The following PCYT1B variants were observed in gnomAD, a reference collection of about 807,000 sequenced individuals.
PCYT1B encodes phosphate cytidylyltransferase 1B, choline.
Under a neutral mutation model 26.4 loss-of-function variants are expected in PCYT1B, and 10 were observed. The observed-to-expected ratio is 0.38, with a 90% CI of 0.23 to 0.64. The LOEUF (loss-of-function observed/expected upper bound fraction) is 0.64, where lower values mean the gene tolerates loss of function less well. Among genes scored for constraint, PCYT1B ranks in the 30% least tolerant of loss-of-function variants. The pLI is 0.56. For synonymous variants in PCYT1B, 131 were observed against 108.4 expected (o/e 1.21, Z -1.29); for missense variants, 161 against 292.7 (o/e 0.55, Z 3.28).
In PCYT1B at chrX:24,559,180, C is replaced by G. The variant is rs965603232; in HGVS notation, c.*3113G>C. 9.1e-6 allele frequency: 1 copy of G among 109,542 alleles called. No individual in the cohort carries two copies. Among genetic ancestry groups the G allele is most frequent in the Non-Finnish European group, 1.9e-5 (1 of 52,515 alleles). 9.0% of individuals were successfully genotyped at this position (109,542 alleles called of 1,213,427 possible). ...AAACATACAAAAATTAGCTGGGTGT[C>G]GTGGCAGGCACCTGTAATCCCAGCT... is the stretch of plus-strand genomic sequence containing the variant. On this transcript the variant is annotated 3_prime_UTR_variant, in exon 8 of 8. Coordinates refer to ENST00000379144, the MANE Select transcript of PCYT1B (RefSeq NM_004845.5).
Position 24,579,171 on chromosome X carries a change from G to A in PCYT1B, c.708+145C>T, listed in dbSNP as rs1331573364. The A allele has an allele frequency of 1.5e-5, 7 of 460,522 alleles. No individual in the cohort carries two copies. The Admixed American group carries it at 2.7e-4, about 18-fold the overall frequency. The allele number at this position is 460,522 out of a possible 1,213,427, so 38.0% of individuals were successfully genotyped here. On this transcript the variant is annotated intron_variant, in intron 6 of 7. Coordinates refer to ENST00000379144, the MANE Select transcript of PCYT1B (RefSeq NM_004845.5). ...AAACTTAAAATATTATACACAGTGA[G>A]ACCCCATCTCTACACAAAAAAAAAA... is the stretch of plus-strand genomic sequence containing the variant.
At chrX:24,596,818 C>T (rs1031723443) in intron 3 of PCYT1B, among the ~76,000 whole-genome samples, 1 of 111,265 alleles carries the variant, frequency 9.0e-6, no homozygotes, top group Non-Finnish European at 1.9e-5. Context: ...CTTCGCTCCA[C>T]CCAAGGGAAC....
rs757258335 is a variant in PCYT1B at position 24,570,853 on chromosome X, T to C, written c.897+4277A>G. On this transcript the variant is annotated intron_variant, in intron 7 of 7. Transcript: ENST00000379144. ...TGGCAACTGGCATTGTCAAAGGCCTTAGAGGGATGTTGGTAGACCTCAGTT... is the reference window on the plus strand; with the variant it reads ...TGGCAACTGGCATTGTCAAAGGCCTCAGAGGGATGTTGGTAGACCTCAGTT... Among the ~76,000 whole-genome samples, 4 of 110,951 alleles carry C rather than the reference T, an allele frequency of 3.6e-5. No individual in the cohort carries two copies. In the East Asian group the frequency reaches 8.5e-4, roughly 24 times the overall value.
intron 7 of PCYT1B, among the ~76,000 whole-genome samples, chrX:24,566,173 G>A (rs1389987818): frequency 8.9e-6 from 1 of 112,059 alleles, no homozygotes; most frequent in Non-Finnish European, 1.9e-5. Context: ...TTTGGCAATA[G>A]ATGCAAAAAC....
At chrX:24,651,472 A>AAATATAT (rs1555965467), upstream of PCYT1B, among the ~76,000 whole-genome samples, 4 of 26,051 alleles carry the variant, frequency 1.5e-4, no homozygotes, top group Non-Finnish European at 1.8e-4. Flanking sequence ...AAAAAAAAAA[A>AAATATAT]ATATATATAT....
At chrX:24,575,081 T>C (rs769749632) in intron 7 of PCYT1B, 49 bp downstream of exon 7, 1 of 1,032,748 alleles carries the variant, frequency 9.7e-7, no homozygotes, top group Non-Finnish European at 1.3e-6. Flanking sequence ...AAAAGGAGGA[T>C]AAACTGAAAA....
intron 1 of PCYT1B, among the ~76,000 whole-genome samples, chrX:24,620,332 G>C (rs1013880247): frequency 2.7e-5 from 3 of 111,526 alleles, no homozygotes; most frequent in Non-Finnish European, 5.7e-5. Context: ...TCCCTCCCCT[G>C]TCCCCATCCC....
intron 5 of PCYT1B, among the ~76,000 whole-genome samples, chrX:24,583,321 A>T (rs1174108252): frequency 9.0e-6 from 1 of 111,711 alleles, no homozygotes; most frequent in Non-Finnish European, 1.9e-5. Flanking sequence ...CATAGCCAGC[A>T]TCCAAGGCCA....
intron 2 of PCYT1B, 92 bp downstream of exon 2, chrX:24,618,893 G>T: frequency 1.9e-6 from 1 of 528,148 alleles, no homozygotes; most frequent in Non-Finnish European, 2.9e-6. Context: ...AAAGTGCTGG[G>T]ATCACAGGCA....
At chrX:24,570,015 C>T (rs1321582791) in intron 7 of PCYT1B, among the ~76,000 whole-genome samples, 3 of 108,986 alleles carry the variant, frequency 2.8e-5, no homozygotes, top group Non-Finnish European at 5.7e-5. Flanking sequence ...AAAACCCCAC[C>T]TCTACTAAAA....
chrX:24,636,998 T>C (rs1034171455), intron 1 of PCYT1B, among the ~76,000 whole-genome samples: 1 of 111,539 alleles, frequency 9.0e-6, no homozygotes, highest in African/African-American at 3.3e-5. Context: ...TTATTATGAA[T>C]AACACTGCTA....
At chrX:24,616,441 G>A (rs1344726886) in intron 2 of PCYT1B, among the ~76,000 whole-genome samples, 1 of 109,965 alleles carries the variant, frequency 9.1e-6, no homozygotes, top group East Asian at 2.8e-4. Flanking sequence ...GTTTCACCAT[G>A]TTGGCCAGGC....
chrX:24,613,781 C>T (rs1298448844), intron 2 of PCYT1B, among the ~76,000 whole-genome samples: 1 of 108,147 alleles, frequency 9.2e-6, no homozygotes, highest in Admixed American at 1.0e-4. Flanking sequence ...AGTGAAACCC[C>T]ATCTCTACAA....
chrX:24,567,293 C>T (rs775441307), intron 7 of PCYT1B, among the ~76,000 whole-genome samples: 5 of 111,873 alleles, frequency 4.5e-5, no homozygotes, highest in South Asian at 3.7e-4. Flanking sequence ...TGATAAACAA[C>T]GGTGTCGCAC....
intron 1 of PCYT1B, among the ~76,000 whole-genome samples, chrX:24,635,908 G>A (rs1926253456): frequency 1.8e-5 from 2 of 111,963 alleles, no homozygotes; most frequent in Admixed American, 1.9e-4. Flanking sequence ...CCTGTAGCAG[G>A]GTTATTCTGA....
chrX:24,593,271 A>T (rs1924629477), intron 3 of PCYT1B, among the ~76,000 whole-genome samples: 2 of 110,925 alleles, frequency 1.8e-5, no homozygotes, highest in African/African-American at 6.5e-5. Flanking sequence ...TACTCAAGAA[A>T]TATTTATTAT....
intron 1 of PCYT1B, among the ~76,000 whole-genome samples, chrX:24,665,378 C>T: frequency 9.1e-6 from 1 of 109,547 alleles, no homozygotes; most frequent in Middle Eastern, 4.6e-3. Context: ...GCAACCTCTG[C>T]CTCCTGGGTT....
At chrX:24,656,589 C>G (rs1288962280) in intron 1 of PCYT1B, among the ~76,000 whole-genome samples, 2 of 64,400 alleles carry the variant, frequency 3.1e-5, no homozygotes, top group Admixed American at 5.4e-4. Flanking sequence ...CAGAGTCTTG[C>G]TCTGTTTCCC....
At chrX:24,569,960 G>C (rs1021984900) in intron 7 of PCYT1B, among the ~76,000 whole-genome samples, 20 of 111,213 alleles carry the variant, frequency 1.8e-4, no homozygotes, top group Admixed American at 1.5e-3. Flanking sequence ...GAGGCAGGCA[G>C]ATCACCTGAG....
Sources: gnomAD v4.1 joint callset for allele counts (sites outside exome capture counted in the v4.1 genomes callset) on GRCh38, gnomAD v4.1.1 for gene constraint, MANE v1.5 for transcripts, NCBI Gene and HGNC (gene_info 2026-07-23, HGNC 2026-07-21) for gene names.